MRTFB: variants seen among roughly 807,000 people sequenced by gnomAD.
MRTFB encodes myocardin-related transcription factor B.
Under a neutral mutation model 104.2 loss-of-function variants are expected in MRTFB, and 29 were observed. That is an observed-to-expected ratio of 0.28 (90% CI 0.21 to 0.38). The LOEUF (loss-of-function observed/expected upper bound fraction) is 0.38. Ranked by LOEUF, MRTFB falls within the 10% of genes least tolerant of loss-of-function variation. The pLI, the probability that MRTFB is intolerant of heterozygous loss-of-function variation, is 1.00. For synonymous variants in MRTFB, 535 were observed against 519.5 expected, an observed-to-expected ratio of 1.03 and a Z score of -0.41; for missense variants, 1,270 against 1,341.6, an observed-to-expected ratio of 0.95 and a Z score of 0.83.
chr16:14,010,601 A>G, the MRTFB span, among the ~76,000 whole-genome samples: 2 of 151,130 alleles, frequency 1.3e-5, no homozygotes, highest in African/African-American at 4.9e-5. Flanking sequence ...ATGCCTGGCT[A>G]TTTTTATACA....
intron 1 of MRTFB, among the ~76,000 whole-genome samples, chr16:14,071,783 G>A (rs1463694618): frequency 6.6e-6 from 1 of 152,182 alleles, no homozygotes; most frequent in Non-Finnish European, 1.5e-5. Flanking sequence ...CGGTGGGAGG[G>A]GACCGGGACC....
chr16:14,195,413 C>A, intron 3 of MRTFB: 2 of 600,150 alleles, frequency 3.3e-6, no homozygotes, highest in Non-Finnish European at 2.1e-6. Flanking sequence ...AGGCACATTG[C>A]ACATGTGTGT....
chr16:14,038,267 G>A, the MRTFB span, among the ~76,000 whole-genome samples: 1 of 151,960 alleles, frequency 6.6e-6, no homozygotes. Flanking sequence ...TTGGGTTAGG[G>A]GCCACCCTAA....
chr16:14,014,868 A>AAAAAAAT, the MRTFB span, among the ~76,000 whole-genome samples: 1 of 152,080 alleles, frequency 6.6e-6, no homozygotes. Flanking sequence ...ACTCCATCTC[A>AAAAAAAT]AAAAAATAAA....
intron 3 of MRTFB, among the ~76,000 whole-genome samples, chr16:14,173,736 G>T (rs1597150491): frequency 1.3e-5 from 2 of 152,064 alleles, no homozygotes; most frequent in East Asian, 3.8e-4. Flanking sequence ...CATCACATGG[G>T]TCACTGAGGC....
At chr16:14,198,123 T>A (rs1389146413) in intron 3 of MRTFB, among the ~76,000 whole-genome samples, 1 of 152,228 alleles carries the variant, frequency 6.6e-6, no homozygotes, top group Non-Finnish European at 1.5e-5. Flanking sequence ...TTCCTTGTAA[T>A]GTTTTTCAGT....
chr16:14,059,848 G>A, the MRTFB span, among the ~76,000 whole-genome samples: 1 of 152,174 alleles, frequency 6.6e-6, no homozygotes, highest in Admixed American at 6.6e-5. Flanking sequence ...CAGGGGCCTT[G>A]TGCAAACCAG....
At chr16:14,019,515 C>CA in the MRTFB span, 5 of 152,182 alleles carry the variant, frequency 3.3e-5, no homozygotes, top group African/African-American at 1.2e-4. Context: ...CAATCTCTAT[C>CA]AAGTTTTTTT....
chr16:14,120,922 T>C (rs1283360293), intron 2 of MRTFB, among the ~76,000 whole-genome samples: 1 of 152,068 alleles, frequency 6.6e-6, no homozygotes, highest in African/African-American at 2.4e-5. Flanking sequence ...GCTATAATCT[T>C]TCAGCAGCAA....
chr16:14,059,540 C>T, the MRTFB span, among the ~76,000 whole-genome samples: 1 of 152,134 alleles, frequency 6.6e-6, no homozygotes, highest in Non-Finnish European at 1.5e-5. Context: ...CAGATGCAAT[C>T]TAATGACAGA....
Position 14,248,942 on chromosome 16 carries a change from G to A in MRTFB, c.2264G>A (p.Gly755Glu). Reference sequence around the variant, plus strand: ...ACCTCCTAGACTTCACCACAAGCAGGAATGCAGACTCAGCCTCAGATAGCA... The same window carrying A: ...ACCTCCTAGACTTCACCACAAGCAGAAATGCAGACTCAGCCTCAGATAGCA... The part of the protein sequence containing the change: ...SLKLQTSPQA[G>E]MQTQPQIATA... Residue 755 changes from glycine (G) to glutamate (E), a missense_variant, in exon 13 of 17, where the codon GGA (glycine) becomes GAA (glutamate). This residue lies in a region of MRTFB where 1,144 missense variants were observed against 1,131.5 expected (regional missense o/e 1.01). Coordinates refer to ENST00000571589, the MANE Select transcript of MRTFB (RefSeq NM_001308142.2). 6.2e-7 allele frequency: 1 copy of A among 1,613,826 alleles called. No individual in the cohort carries two copies. Among genetic ancestry groups the A allele is most frequent in the Non-Finnish European group, 8.5e-7 (1 of 1,179,912 alleles).
chr16:14,098,520 A>G (rs1253990264), intron 2 of MRTFB, among the ~76,000 whole-genome samples: 1 of 152,100 alleles, frequency 6.6e-6, no homozygotes, highest in Admixed American at 6.6e-5. Flanking sequence ...TTATCTTTTC[A>G]CCCTCTTAAC....
rs531721786 is a variant in MRTFB at position 14,184,364 on chromosome 16, A to G, written c.155-25879A>G. 2.0e-5 allele frequency among the ~76,000 whole-genome samples: 3 copies of G among 152,062 alleles called. No individual in the cohort carries two copies. The South Asian group carries it at 6.2e-4, about 32-fold the overall frequency. On this transcript the variant is annotated intron_variant, in intron 3 of 16. Coordinates refer to ENST00000571589, the MANE Select transcript of MRTFB (RefSeq NM_001308142.2). ...CAGCCTCCCGAGCAGCTGGGATTAT[A>G]GGTATGTGCTACCATGCCCAGCTAA...
At chr16:14,095,043 A>G (rs967167276) in intron 2 of MRTFB, among the ~76,000 whole-genome samples, 2 of 152,066 alleles carry the variant, frequency 1.3e-5, no homozygotes, top group African/African-American at 4.8e-5. Context: ...CCGTAGGTCT[A>G]AAATAGTCTT....
chr16:14,042,882 A>G, the MRTFB span, among the ~76,000 whole-genome samples: 2 of 152,120 alleles, frequency 1.3e-5, no homozygotes, highest in African/African-American at 2.4e-5. Flanking sequence ...GATTAGCTCC[A>G]TTGTGTGGGC....
intron 2 of MRTFB, among the ~76,000 whole-genome samples, chr16:14,081,492 C>A (rs574039521): frequency 6.6e-6 from 1 of 152,110 alleles, no homozygotes; most frequent in Non-Finnish European, 1.5e-5. Context: ...GGGGTTTCAC[C>A]GTGTTGGCCA....
the MRTFB span, among the ~76,000 whole-genome samples, chr16:14,055,957 T>C: frequency 6.6e-6 from 1 of 152,120 alleles, no homozygotes; most frequent in Non-Finnish European, 1.5e-5. Context: ...TTTCCCTCAT[T>C]GCTTCTACAT....
At chr16:14,025,504 A>G in the MRTFB span, among the ~76,000 whole-genome samples, 1 of 152,188 alleles carries the variant, frequency 6.6e-6, no homozygotes, top group Non-Finnish European at 1.5e-5. Context: ...GTATTAGAGA[A>G]TAAATGAATA....
chr16:14,016,939 A>G, the MRTFB span, among the ~76,000 whole-genome samples: 2 of 152,212 alleles, frequency 1.3e-5, no homozygotes, highest in South Asian at 4.1e-4. Context: ...TGAGTATGTC[A>G]TTTAGTTTAG....
Sources: allele counts gnomAD v4.1 joint callset (sites outside exome capture counted in the v4.1 genomes callset), GRCh38; gene constraint gnomAD v4.1.1; regional missense constraint gnomAD v4.1.1; transcripts MANE v1.5; gene names NCBI Gene and HGNC (gene_info 2026-07-23, HGNC 2026-07-21).